Variants in FOXP4 observed in about 807,000 individuals in gnomAD.
FOXP4 encodes the protein forkhead box protein P4.
Under a neutral mutation model 82.6 loss-of-function variants are expected in FOXP4, and 25 were observed. The ratio of observed to expected loss-of-function variants is 0.30; its 90% confidence interval spans 0.22 to 0.42. The LOEUF (loss-of-function observed/expected upper bound fraction) is 0.42. FOXP4 is among the 10% of genes least tolerant of loss of function. The probability of loss-of-function intolerance (pLI) is 1.00; values close to 1 mark genes in which losing one functional copy is unlikely to be tolerated. For missense variants in FOXP4, 785 were observed against 900.9 expected, an observed-to-expected ratio of 0.87 and a Z score of 1.65; for synonymous variants, 415 against 388.2, an observed-to-expected ratio of 1.07 and a Z score of -0.81.
At chr6:41,564,726 A>G (rs553926443) in intron 1 of FOXP4, among the ~76,000 whole-genome samples, 10 of 152,152 alleles carry the variant, frequency 6.6e-5, no homozygotes, top group Admixed American at 3.3e-4. Context: ...CATGGTTCCT[A>G]TGGAGAGTGA....
chr6:41,593,818 G>C lies in FOXP4; in HGVS notation c.1537-1052G>C, dbSNP rs1766656176. ...GTTGCAAGTGGCAAGAGTTGGAAGG[G>C]AGAGAGGGAGAGGGATCTCCAGGGG... On this transcript the variant is annotated intron_variant, in intron 13 of 16. Coordinates refer to ENST00000307972, the MANE Select transcript of FOXP4 (RefSeq NM_001012426.2). The surrounding 1 kb of genome is among the most constrained non-coding windows in gnomAD (Gnocchi z 4.1). Among the ~76,000 whole-genome samples the C allele has an allele frequency of 6.6e-6, 1 of 152,354 alleles. No homozygotes were observed. Among genetic ancestry groups the C allele is most frequent in the East Asian group, 1.9e-4 (1 of 5,186 alleles).
intron 7 of FOXP4, 113 bp downstream of exon 7, chr6:41,587,625 TCACTCCCTCTC>T (rs11267985): frequency 0.038 from 37,442 of 973,724 alleles, 2,005 homozygotes; most frequent in East Asian, 0.21. Flanking sequence ...GACCGGAGGT[TCACTCCCTCTC>T]CACTCCCTCT....
chr6:41,588,871 A>G, intron 9 of FOXP4, 140 bp downstream of exon 9: 1 of 919,462 alleles, frequency 1.1e-6, no homozygotes, highest in South Asian at 1.5e-5. Flanking sequence ...TATGCTTTCT[A>G]GGTCCTAATG....
rs1200285347 is a variant in FOXP4, at chr6:41,601,937, A to G, written c.*3001A>G. The G allele has an allele frequency of 1.3e-5, 2 of 152,180 alleles. No homozygotes were observed. The highest frequency in any genetic ancestry group is 2.9e-5 in the Non-Finnish European group (2 of 68,028). 9.4% of individuals were successfully genotyped at this position (152,180 alleles called of 1,614,324 possible). ...CTGGAGTCAATCACCCTTCCCACAA[A>G]TCACCAAACTGCTGGAACTCTCCAG... On this transcript the variant is annotated 3_prime_UTR_variant, in exon 17 of 17. Coordinates refer to ENST00000307972, the MANE Select transcript of FOXP4 (RefSeq NM_001012426.2).
intron 1 of FOXP4, among the ~76,000 whole-genome samples, chr6:41,547,129 C>G (rs1195284470): frequency 6.6e-6 from 1 of 151,846 alleles, no homozygotes; most frequent in Admixed American, 6.6e-5. Context: ...CGGGCCGGAG[C>G]TGCCTCGGGA....
chr6:41,558,001 A>G lies in FOXP4; in HGVS notation c.-16-7744A>G, dbSNP rs10947980. ...CGAGCACCCAAGTGTTGTGCTAAGA[A>G]GCCTTGAATGGTCCCTAGAGTTGGG... is the stretch of plus-strand genomic sequence containing the variant. On this transcript the variant is annotated intron_variant, in intron 1 of 16. Coordinates refer to ENST00000307972, the MANE Select transcript of FOXP4 (RefSeq NM_001012426.2). This position sits in a 1 kb window ranked among gnomAD's most constrained non-coding sequence, Gnocchi z 4.0. 0.25 allele frequency among the ~76,000 whole-genome samples: 38,346 copies of G among 151,980 alleles called. 4,928 individuals are homozygous for G. The highest frequency in any genetic ancestry group is 0.3 in the Admixed American group (4,540 of 15,280).
At chr6:41,552,117 C>T (rs190838879) in intron 1 of FOXP4, among the ~76,000 whole-genome samples, 5 of 152,242 alleles carry the variant, frequency 3.3e-5, no homozygotes, top group East Asian at 1.9e-4. Flanking sequence ...ATCTCCTCAG[C>T]GGGGCTTCCT....
At chr6:41,585,648 A>G (rs1766068038) in intron 5 of FOXP4, 131 bp downstream of exon 5, 1 of 804,284 alleles carries the variant, frequency 1.2e-6, no homozygotes, top group Non-Finnish European at 2.0e-6. Context: ...AAGGGGACCA[A>G]GGATCAGTGT....
Position 41,602,350 on chromosome 6 carries a change from A to C in FOXP4, c.*3414A>C, listed in dbSNP as rs1031678582. 6.6e-6 allele frequency: 1 copy of C among 152,236 alleles called. No homozygotes were observed. Among genetic ancestry groups the C allele is most frequent in the Non-Finnish European group, 1.5e-5 (1 of 68,060 alleles). 9.4% of individuals were successfully genotyped at this position (152,236 alleles called of 1,614,324 possible). A position where few individuals can be genotyped will look rare whatever the true frequency, so the allele number is the denominator to read the frequency against. On this transcript the variant is annotated 3_prime_UTR_variant, in exon 17 of 17. Coordinates refer to ENST00000307972, the MANE Select transcript of FOXP4 (RefSeq NM_001012426.2). Reference sequence around the variant, plus strand: ...CTGCATGTAATCTGTGGACAATGGCATTCTCTACAATGCAATAAAAACAAT... The same window carrying C: ...CTGCATGTAATCTGTGGACAATGGCCTTCTCTACAATGCAATAAAAACAAT...
chr6:41,595,167 C>A (rs966084337), intron 14 of FOXP4, among the ~76,000 whole-genome samples, 176 bp downstream of exon 14: 3 of 152,180 alleles, frequency 2.0e-5, no homozygotes, highest in South Asian at 2.1e-4. Flanking sequence ...GGCTGGAATC[C>A]GGAAGTGATG....
intron 1 of FOXP4, among the ~76,000 whole-genome samples, 182 bp downstream of exon 1, chr6:41,547,049 C>G (rs1763669871): frequency 6.6e-6 from 1 of 151,720 alleles, no homozygotes; most frequent in Admixed American, 6.6e-5. Context: ...GCACTTTGTT[C>G]CAGCCAGGGC....
At chr6:41,597,095 C>T (rs970041143) in intron 14 of FOXP4, 81 bp from the exon 15 acceptor site, 12 of 1,448,490 alleles carry the variant, frequency 8.3e-6, no homozygotes, top group South Asian at 1.1e-5. Flanking sequence ...CAGCACAGGC[C>T]GTTACTTAGT....
chr6:41,560,017 C>T (rs1251960639), intron 1 of FOXP4, among the ~76,000 whole-genome samples: 5 of 152,174 alleles, frequency 3.3e-5, no homozygotes, highest in Admixed American at 3.3e-4. Context: ...AGAAATCTTA[C>T]CTCTTATTGC....
chr6:41,598,216 C>CTT (rs571791132), intron 16 of FOXP4, among the ~76,000 whole-genome samples: 67 of 131,862 alleles, frequency 5.1e-4, no homozygotes, highest in African/African-American at 1.5e-3. Flanking sequence ...CCTCTCTTCT[C>CTT]TTTTTTTTTT....
rs758748324 is a variant in FOXP4 at position 41,587,430 on chromosome 6, G to C, written c.790G>C (p.Ala264Pro). ...GGCCGCCACCGCTACCTCGTTTGCCGCTCCCCCCAAGGTCTCACCCCCCCT... is the reference window on the plus strand; with the variant it reads ...GGCCGCCACCGCTACCTCGTTTGCCCCTCCCCCCAAGGTCTCACCCCCCCT... ...GTAATATSFA[A>P]PPKVSPPLSH... is the part of the protein sequence containing the mutation. The change falls in exon 7 of 17, where the codon GCT (alanine) becomes CCT (proline). Residue 264 changes from alanine to proline, a missense_variant. By Grantham distance (27) the Ala-to-Pro change is conservative. Coordinates refer to ENST00000307972, the MANE Select transcript of FOXP4 (RefSeq NM_001012426.2). 3.2e-6 allele frequency: 5 copies of C among 1,575,054 alleles called. No individual in the cohort carries two copies. In the East Asian group the frequency reaches 9.0e-5, roughly 28 times the overall value.
chr6:41,570,063 C>T (rs1765102539), intron 2 of FOXP4: 2 of 199,744 alleles, frequency 1.0e-5, no homozygotes, highest in South Asian at 1.4e-4. Flanking sequence ...GGTGAATTTG[C>T]CCCCCACCAC....
intron 1 of FOXP4, among the ~76,000 whole-genome samples, chr6:41,551,972 T>C (rs1764023071): frequency 6.6e-6 from 1 of 152,170 alleles, no homozygotes; most frequent in Admixed American, 6.5e-5. Flanking sequence ...CTGTGGGCAC[T>C]GGCCACCTGA....
intron 1 of FOXP4, among the ~76,000 whole-genome samples, chr6:41,553,398 C>G (rs1764106889): frequency 6.6e-6 from 1 of 152,216 alleles, no homozygotes; most frequent in African/African-American, 2.4e-5. Context: ...CCCCCTCACA[C>G]CAGGGCAGCC....
intron 1 of FOXP4, among the ~76,000 whole-genome samples, chr6:41,564,478 G>T (rs933758916): frequency 7.2e-5 from 11 of 152,158 alleles, no homozygotes; most frequent in Non-Finnish European, 1.3e-4. Context: ...GAACCTCTAT[G>T]AGTTATAAGA....
Sources: allele counts gnomAD v4.1 joint callset (sites outside exome capture counted in the v4.1 genomes callset), GRCh38; gene constraint gnomAD v4.1.1; non-coding constraint Gnocchi (gnomAD v3.1); transcripts MANE v1.5; gene names NCBI Gene and HGNC (gene_info 2026-07-23, HGNC 2026-07-21).